The following WDR70 variants were observed in gnomAD, a reference collection of about 807,000 sequenced individuals.
WDR70 encodes the protein WD repeat domain 70, also known as WD repeat-containing protein 70.
Under a neutral mutation model 88.6 loss-of-function variants are expected in WDR70, and 53 were observed. The ratio of observed to expected loss-of-function variants is 0.60; its 90% confidence interval spans 0.48 to 0.75. The LOEUF is 0.75. WDR70 is among the 30% of genes least tolerant of loss of function. The pLI is 0.00. For missense variants in WDR70, 610 were observed against 823.2 expected (o/e 0.74, Z 3.17); for synonymous variants, 280 against 270.0 (o/e 1.04, Z -0.36).
At position 37,747,991 on chromosome 5, in the gene WDR70, A is replaced by G. The variant is rs553462863; in HGVS notation, c.1878-4495A>G. On this transcript the variant is annotated intron_variant, in intron 17 of 17. Transcript: ENST00000265107. The stretch of plus-strand genomic sequence containing the variant: ...CCACTGATCAAGGAAATATGAGAGG[A>G]CACAAACAAATGGAAAAACATTCAA... Among the ~76,000 whole-genome samples the G allele has an allele frequency of 3.9e-5, 6 of 152,342 alleles. No individual in the cohort carries two copies. The South Asian group carries it at 1.2e-3, about 32-fold the overall frequency.
At chr5:37,480,809 T>G (rs1739641433) in intron 8 of WDR70, among the ~76,000 whole-genome samples, 1 of 152,154 alleles carries the variant, frequency 6.6e-6, no homozygotes, top group African/African-American at 2.4e-5. Context: ...ATTTCAGCAT[T>G]AACTCAAAAT....
chr5:37,505,907 T>G (rs1401254389), intron 8 of WDR70: 2 of 1,356,218 alleles, frequency 1.5e-6, no homozygotes, highest in African/African-American at 2.9e-5. Context: ...TCATCTGACT[T>G]CCTTCCATAT....
intron 7 of WDR70, among the ~76,000 whole-genome samples, chr5:37,445,960 A>G (rs1161861668): frequency 6.6e-6 from 1 of 152,218 alleles, no homozygotes; most frequent in African/African-American, 2.4e-5. Context: ...AGGAGAAAGA[A>G]ATAAAGGGTA....
chr5:37,676,719 G>C (rs545152382), intron 10 of WDR70, among the ~76,000 whole-genome samples: 7 of 151,686 alleles, frequency 4.6e-5, no homozygotes, highest in Non-Finnish European at 7.4e-5. Context: ...TCTCTGCCAG[G>C]CTTTGGTATC....
intron 10 of WDR70, among the ~76,000 whole-genome samples, chr5:37,696,149 C>G (rs1010827569): frequency 6.6e-6 from 1 of 152,058 alleles, no homozygotes; most frequent in South Asian, 2.1e-4. Context: ...TTTGTGTTTT[C>G]TCTGCTTAAC....
chr5:37,476,977 T>C (rs965779642), intron 7 of WDR70, among the ~76,000 whole-genome samples: 24 of 152,240 alleles, frequency 1.6e-4, no homozygotes, highest in Admixed American at 6.5e-5. Context: ...TTTATCTGCA[T>C]GTGGTTGAGA....
At position 37,697,687 on chromosome 5, in the gene WDR70, T is replaced by C. The variant is rs139235345; in HGVS notation, c.1125T>C (p.His375=). 6 of 1,613,770 alleles carry C rather than the reference T, an allele frequency of 3.7e-6. No individual in the cohort carries two copies. The African/African-American group carries it at 6.7e-5, about 18-fold the overall frequency. Residue 375 remains histidine, a synonymous_variant, in exon 11 of 18, where the codon CAT becomes CAC. Transcript: ENST00000265107. ...VHPKFHYKQA[H]DSGTDTSCVT... Reference sequence around the variant, plus strand: ...CTAAGTTCCACTATAAACAGGCTCATGACTCGGGCACAGACACTTCTTGCG... The same window carrying C: ...CTAAGTTCCACTATAAACAGGCTCACGACTCGGGCACAGACACTTCTTGCG...
intron 13 of WDR70, among the ~76,000 whole-genome samples, chr5:37,704,540 T>G (rs1464476686): frequency 6.6e-6 from 1 of 152,226 alleles, no homozygotes; most frequent in Admixed American, 6.5e-5. Context: ...GTTACTTTTA[T>G]AGGTAGATCT....
intron 9 of WDR70, among the ~76,000 whole-genome samples, chr5:37,571,604 T>A (rs2112405216): frequency 6.6e-6 from 1 of 152,128 alleles, no homozygotes; most frequent in African/African-American, 2.4e-5. Flanking sequence ...TCCACTGGAG[T>A]GTATTAGGGA....
At chr5:37,450,258 C>A (rs1461455555) in intron 7 of WDR70, among the ~76,000 whole-genome samples, 4 of 152,068 alleles carry the variant, frequency 2.6e-5, no homozygotes, top group Non-Finnish European at 5.9e-5. Context: ...TTTGGGTATA[C>A]ACCTAGTAAT....
intron 8 of WDR70, among the ~76,000 whole-genome samples, chr5:37,515,568 C>T (rs1332938780): frequency 6.6e-6 from 1 of 152,178 alleles, no homozygotes; most frequent in African/African-American, 2.4e-5. Context: ...CAGGCCTTGG[C>T]CAGATACTAT....
chr5:37,699,957 A>C (rs7736749), intron 11 of WDR70, among the ~76,000 whole-genome samples: 1 of 141,240 alleles, frequency 7.1e-6, no homozygotes, highest in Non-Finnish European at 1.6e-5. Context: ...AAAAAAAAAC[A>C]AAAAACAAAA....
At chr5:37,657,431 A>T (rs1343990149) in intron 10 of WDR70, among the ~76,000 whole-genome samples, 1 of 152,092 alleles carries the variant, frequency 6.6e-6, no homozygotes, top group Admixed American at 6.5e-5. Flanking sequence ...AGCTATTCCT[A>T]TTCAGCCACC....
chr5:37,622,010 G>C (rs1056439048), intron 10 of WDR70, among the ~76,000 whole-genome samples: 1 of 152,016 alleles, frequency 6.6e-6, no homozygotes, highest in African/African-American at 2.4e-5. Context: ...TCTTGTTTTT[G>C]TCAGGTTTGT....
chr5:37,689,692 A>C (rs1322129324), intron 10 of WDR70, among the ~76,000 whole-genome samples: 1 of 152,224 alleles, frequency 6.6e-6, no homozygotes, highest in Non-Finnish European at 1.5e-5. Context: ...TCTACACCAA[A>C]ACCCCATCTG....
At chr5:37,392,530 A>G (rs1474206459) in intron 4 of WDR70, among the ~76,000 whole-genome samples, 1 of 151,988 alleles carries the variant, frequency 6.6e-6, no homozygotes, top group Non-Finnish European at 1.5e-5. Flanking sequence ...TTGTATTTTT[A>G]GTAGAGACAG....
At chr5:37,400,725 T>C (rs868422780) in intron 5 of WDR70, among the ~76,000 whole-genome samples, 2 of 152,152 alleles carry the variant, frequency 1.3e-5, no homozygotes, top group African/African-American at 4.8e-5. Flanking sequence ...ATTTTGTTTA[T>C]GGTTGTGTGA....
At chr5:37,474,317 T>G (rs1030981037) in intron 7 of WDR70, among the ~76,000 whole-genome samples, 1 of 152,238 alleles carries the variant, frequency 6.6e-6, no homozygotes, top group African/African-American at 2.4e-5. Flanking sequence ...ATAGGTAAAT[T>G]AGTTTATTAA....
intron 9 of WDR70, among the ~76,000 whole-genome samples, chr5:37,572,585 C>T (rs1321531420): frequency 1.3e-5 from 2 of 152,050 alleles, no homozygotes; most frequent in African/African-American, 4.8e-5. Flanking sequence ...TGTCATCCAC[C>T]CCTTCCCACC....
Sources: allele counts gnomAD v4.1 joint callset (sites outside exome capture counted in the v4.1 genomes callset), GRCh38; gene constraint gnomAD v4.1.1; transcripts MANE v1.5; gene names NCBI Gene and HGNC (gene_info 2026-07-23, HGNC 2026-07-21).